Variants in STK3 observed in about 807,000 individuals in gnomAD.
STK3 encodes serine/threonine kinase 3, also known as serine/threonine-protein kinase 3.
Under a neutral mutation model 58.0 loss-of-function variants are expected in STK3, and 41 were observed. That is an observed-to-expected ratio of 0.71 (90% CI 0.55 to 0.92). STK3 has a LOEUF of 0.92. Among genes scored for constraint, STK3 ranks in the 40% least tolerant of loss-of-function variants. The pLI, the probability that STK3 is intolerant of heterozygous loss-of-function variation, is 0.00. For missense variants in STK3, 479 were observed against 602.7 expected, an observed-to-expected ratio of 0.79 and a Z score of 2.15; for synonymous variants, 170 against 191.0, an observed-to-expected ratio of 0.89 and a Z score of 0.91.
At chr8:98,774,230 C>G (rs1378021610) in intron 2 of STK3, among the ~76,000 whole-genome samples, 1 of 152,220 alleles carries the variant, frequency 6.6e-6, no homozygotes, top group Non-Finnish European at 1.5e-5. Flanking sequence ...CCATTAAATG[C>G]TCCCTACCTT....
chr8:98,913,397 G>C (rs1839225477), intron 1 of STK3, among the ~76,000 whole-genome samples: 1 of 152,184 alleles, frequency 6.6e-6, no homozygotes, highest in African/African-American at 2.4e-5. Context: ...GCTGTTGTTT[G>C]TTCTTTAAAA....
At position 98,773,306 on chromosome 8, in the gene STK3, G is replaced by A. The variant is rs117726075; in HGVS notation, c.107+1433C>T. Among the ~76,000 whole-genome samples, 1,201 of 152,150 alleles carry A rather than the reference G, an allele frequency of 7.9e-3. 9 individuals are homozygous for A. The highest frequency in any genetic ancestry group is 0.014 in the Middle Eastern group (4 of 292). ...CTGTCATAAATTTAGCTGCCATGTT[G>A]TCTGACATGTTTTGTTATAAATTGT... is the stretch of plus-strand genomic sequence containing the variant. On this transcript the variant is annotated intron_variant, in intron 2 of 10. Coordinates refer to ENST00000419617, the MANE Select transcript of STK3 (RefSeq NM_006281.4).
intron 3 of STK3, among the ~76,000 whole-genome samples, chr8:98,859,850 C>A (rs1006045932): frequency 6.6e-6 from 1 of 152,164 alleles, no homozygotes; most frequent in Admixed American, 6.5e-5. Context: ...TGAGAAGTTA[C>A]AACGTGAAAG....
At chr8:98,478,217 C>G (rs538109500) in intron 10 of STK3, among the ~76,000 whole-genome samples, 3 of 152,172 alleles carry the variant, frequency 2.0e-5, no homozygotes, top group Non-Finnish European at 2.9e-5. Context: ...CCCAAATACT[C>G]TGCCCCTCAC....
Position 98,782,318 on chromosome 8 carries a change from T to C in STK3, c.27-7499A>G, listed in dbSNP as rs371933889. 7 of 178,688 alleles carry C rather than the reference T, an allele frequency of 3.9e-5. No homozygotes were observed. The South Asian group carries it at 5.0e-4, about 13-fold the overall frequency. The allele number at this position is 178,688 out of a possible 1,614,324, so 11.1% of individuals were successfully genotyped here. A position where few individuals can be genotyped will look rare whatever the true frequency, so the allele number is the denominator to read the frequency against. On this transcript the variant is annotated intron_variant, in intron 1 of 10. Transcript: ENST00000419617. ...GCCAATACTCAAATGCCAGAGAAGG[T>C]AACCTGGGTGAGGAGAATAGGAATT...
intron 1 of STK3, chr8:98,906,385 T>C (rs1838901482): frequency 6.6e-6 from 1 of 152,314 alleles, no homozygotes; most frequent in Non-Finnish European, 1.5e-5. Context: ...AGCGTGGTTG[T>C]GCTCCTGCCC....
intron 3 of STK3, chr8:98,427,964 G>A (rs958612073): frequency 6.7e-7 from 1 of 1,487,032 alleles, no homozygotes; most frequent in Non-Finnish European, 9.0e-7. Flanking sequence ...CGGCGCGGGC[G>A]GCCGGCGCCT....
intron 10 of STK3, among the ~76,000 whole-genome samples, chr8:98,500,558 T>C (rs1288625007): frequency 1.3e-5 from 2 of 151,250 alleles, no homozygotes; most frequent in African/African-American, 4.9e-5. Flanking sequence ...TTCCCCGCCC[T>C]GTGTCCAAGT....
intron 6 of STK3, among the ~76,000 whole-genome samples, chr8:98,664,288 C>A (rs976514449): frequency 6.6e-6 from 1 of 152,178 alleles, no homozygotes; most frequent in Non-Finnish European, 1.5e-5. Context: ...AGGGGATCAG[C>A]ACTTAATCGC....
intron 1 of STK3, among the ~76,000 whole-genome samples, chr8:98,919,859 G>C (rs940017672): frequency 6.6e-6 from 1 of 152,200 alleles, no homozygotes; most frequent in Non-Finnish European, 1.5e-5. Flanking sequence ...GATGAGGACC[G>C]ACACAGTCAA....
intron 3 of STK3, chr8:98,413,605 G>T: frequency 1.4e-6 from 1 of 700,212 alleles, no homozygotes; most frequent in Non-Finnish European, 2.7e-6. Context: ...GTTTCAATTT[G>T]TTGGATACAA....
At chr8:98,910,520 A>T (rs1037941699) in intron 1 of STK3, among the ~76,000 whole-genome samples, 4 of 152,244 alleles carry the variant, frequency 2.6e-5, no homozygotes, top group Non-Finnish European at 2.9e-5. Flanking sequence ...CTATAGTGTG[A>T]TCAACTTTGT....
chr8:98,457,364 A>G (rs1224359893), intron 10 of STK3, among the ~76,000 whole-genome samples: 4 of 152,238 alleles, frequency 2.6e-5, no homozygotes, highest in African/African-American at 7.2e-5. Flanking sequence ...TAATGGCCAC[A>G]TTGAAAGGCC....
At chr8:98,404,914 T>C (rs2131031503) in intron 3 of STK3, among the ~76,000 whole-genome samples, 1 of 152,240 alleles carries the variant, frequency 6.6e-6, no homozygotes, top group African/African-American at 2.4e-5. Context: ...ATAAGCTGAA[T>C]GAATAAGCAC....
intron 1 of STK3, among the ~76,000 whole-genome samples, chr8:98,811,729 A>C (rs185031884): frequency 6.6e-6 from 1 of 152,334 alleles, no homozygotes; most frequent in East Asian, 1.9e-4. Flanking sequence ...TAAATTATAC[A>C]TTGAGGAGTC....
At chr8:98,705,832 C>A (rs1239657836) in intron 6 of STK3, among the ~76,000 whole-genome samples, 1 of 151,808 alleles carries the variant, frequency 6.6e-6, no homozygotes, top group Admixed American at 6.6e-5. Flanking sequence ...CATCACAAAC[C>A]CTGAAACACA....
chr8:98,934,441 C>T (rs1220748147), intron 1 of STK3, among the ~76,000 whole-genome samples: 1 of 152,188 alleles, frequency 6.6e-6, no homozygotes, highest in Non-Finnish European at 1.5e-5. Context: ...AAGAAGAAAG[C>T]TGCATATCGG....
chr8:98,628,315 C>T (rs532351744), intron 6 of STK3, among the ~76,000 whole-genome samples: 2 of 152,314 alleles, frequency 1.3e-5, no homozygotes, highest in East Asian at 3.9e-4. Context: ...GGTCTGGCTA[C>T]ACAATGTTAC....
chr8:98,670,697 C>G (rs886844095), intron 6 of STK3, among the ~76,000 whole-genome samples: 79 of 152,322 alleles, frequency 5.2e-4, no homozygotes, highest in African/African-American at 1.7e-3. Context: ...TCCAATACTA[C>G]CTGTGGCCCA....
Sources: gnomAD v4.1 joint callset for allele counts (sites outside exome capture counted in the v4.1 genomes callset) on GRCh38, gnomAD v4.1.1 for gene constraint, MANE v1.5 for transcripts, NCBI Gene and HGNC (gene_info 2026-07-23, HGNC 2026-07-21) for gene names.